CACNG3: variants seen among roughly 807,000 people sequenced by gnomAD.
The protein encoded by CACNG3 is voltage-dependent calcium channel gamma-3 subunit.
CACNG3 carries 3 observed loss-of-function variants against 28.5 expected under a neutral mutation model. The ratio of observed to expected loss-of-function variants is 0.11; its 90% CI spans 0.05 to 0.27. CACNG3 has a LOEUF of 0.27. CACNG3 is among the 10% of genes least tolerant of loss of function. The probability of loss-of-function intolerance (pLI) is 1.00; values close to 1 mark genes in which losing one functional copy is unlikely to be tolerated. For missense variants in CACNG3, 236 were observed against 414.4 expected (o/e 0.57, Z 3.74); for synonymous variants, 174 against 162.2 (o/e 1.07, Z -0.55).
At chr16:24,317,552 GAAAAAGAA>G (rs1899369382) in intron 1 of CACNG3, among the ~76,000 whole-genome samples, 4 of 63,262 alleles carry the variant, frequency 6.3e-5, no homozygotes, top group South Asian at 5.4e-4. Flanking sequence ...AAAAAAAAAA[GAAAAAGAA>G]AGAAAGAAAG....
intron 1 of CACNG3, among the ~76,000 whole-genome samples, chr16:24,267,614 C>A (rs1396942733): frequency 6.6e-6 from 1 of 151,870 alleles, no homozygotes; most frequent in Non-Finnish European, 1.5e-5. Flanking sequence ...ATAGCTAATA[C>A]TTAACAAACA....
At chr16:24,257,085 G>A (rs1898468490) in intron 1 of CACNG3, 120 bp downstream of exon 1, 2 of 688,344 alleles carry the variant, frequency 2.9e-6, no homozygotes, top group Non-Finnish European at 2.5e-6. Context: ...TGCTGAGAAT[G>A]TGCAGGTGCC....
chr16:24,290,162 A>G (rs1294600937), intron 1 of CACNG3, among the ~76,000 whole-genome samples: 1 of 152,252 alleles, frequency 6.6e-6, no homozygotes, highest in African/African-American at 2.4e-5. Context: ...GTGGATTTAT[A>G]CCCATCTTTT....
At chr16:24,279,993 G>A (rs572792493) in intron 1 of CACNG3, among the ~76,000 whole-genome samples, 119 of 152,314 alleles carry the variant, frequency 7.8e-4, no homozygotes, top group African/African-American at 2.6e-3. Context: ...TATATATGGA[G>A]CTATGCTTTT....
At chr16:24,257,406 A>ATT (rs1898478361) in intron 1 of CACNG3, among the ~76,000 whole-genome samples, 1 of 145,318 alleles carries the variant, frequency 6.9e-6, no homozygotes, top group African/African-American at 2.5e-5. Flanking sequence ...AGAGAGAGAG[A>ATT]GAGAGAGAGA....
chr16:24,279,705 G>A (rs1188718758), intron 1 of CACNG3, among the ~76,000 whole-genome samples: 1 of 152,158 alleles, frequency 6.6e-6, no homozygotes, highest in East Asian at 1.9e-4. Context: ...CATCACTTTG[G>A]TAGATGCTTG....
chr16:24,272,939 C>T (rs1898708897), intron 1 of CACNG3, among the ~76,000 whole-genome samples: 1 of 152,118 alleles, frequency 6.6e-6, no homozygotes, highest in Non-Finnish European at 1.5e-5. Flanking sequence ...ATTACTTCAT[C>T]ATCAGGTGTT....
intron 1 of CACNG3, among the ~76,000 whole-genome samples, chr16:24,317,630 G>GA (rs1567217547): frequency 1.4e-3 from 57 of 41,094 alleles, no homozygotes; most frequent in South Asian, 6.0e-3. Flanking sequence ...AAGAAAGACA[G>GA]ACAGAAAGAA....
At position 24,354,986 on chromosome 16, in the gene CACNG3, C is replaced by A; in HGVS notation, c.436+13C>A. On this transcript the variant is annotated intron_variant, in intron 3 of 3. Coordinates refer to ENST00000005284, the MANE Select transcript of CACNG3 (RefSeq NM_006539.4). ...TTTGTCTCTGCAGGTGAGTGTCTGGCCCCAGCCCTGAGATCTTCACAGATA... is the reference window on the plus strand; with the variant it reads ...TTTGTCTCTGCAGGTGAGTGTCTGGACCCAGCCCTGAGATCTTCACAGATA... The A allele has an allele frequency of 2.5e-6, 4 of 1,608,946 alleles. No individual in the cohort carries two copies. Among genetic ancestry groups the A allele is most frequent in the Non-Finnish European group, 3.4e-6 (4 of 1,177,388 alleles).
At chr16:24,270,617 AAGGTCTGGACCAAGGAAATC>A (rs1898674583) in intron 1 of CACNG3, among the ~76,000 whole-genome samples, 1 of 152,206 alleles carries the variant, frequency 6.6e-6, no homozygotes, top group African/African-American at 2.4e-5. Flanking sequence ...AAGAGATAAT[AAGGTCTGGACCAAGGAAATC>A]AGGTCTGGAC....
intron 1 of CACNG3, among the ~76,000 whole-genome samples, chr16:24,268,560 G>C (rs962411780): frequency 3.3e-5 from 5 of 152,218 alleles, no homozygotes; most frequent in African/African-American, 9.6e-5. Flanking sequence ...AATCCAGAAA[G>C]CAAGGTCAAG....
intron 1 of CACNG3, among the ~76,000 whole-genome samples, chr16:24,298,410 C>T (rs895195781): frequency 6.6e-6 from 1 of 152,184 alleles, no homozygotes; most frequent in Non-Finnish European, 1.5e-5. Context: ...CACACACATA[C>T]ATCACTGTAA....
intron 1 of CACNG3, among the ~76,000 whole-genome samples, chr16:24,298,128 T>A (rs1162142650): frequency 2.0e-5 from 3 of 152,228 alleles, no homozygotes; most frequent in African/African-American, 4.8e-5. Flanking sequence ...TATATTCTCT[T>A]ATCCCAAAGA....
chr16:24,331,632 A>T (rs1899632344), intron 1 of CACNG3, among the ~76,000 whole-genome samples: 1 of 152,190 alleles, frequency 6.6e-6, no homozygotes, highest in Non-Finnish European at 1.5e-5. Context: ...AGCCTGGACC[A>T]TACATGCTCC....
intron 1 of CACNG3, among the ~76,000 whole-genome samples, chr16:24,338,111 TC>T: frequency 6.6e-6 from 1 of 152,150 alleles, no homozygotes; most frequent in South Asian, 2.1e-4. Context: ...TCTCTTCTGT[TC>T]CTCAAACTCA....
intron 1 of CACNG3, among the ~76,000 whole-genome samples, chr16:24,313,383 T>C (rs1384125487): frequency 1.3e-5 from 2 of 152,234 alleles, no homozygotes; most frequent in Non-Finnish European, 2.9e-5. Flanking sequence ...GATTTAAACT[T>C]GGACACTCTG....
chr16:24,340,598 C>T (rs1035676262), intron 1 of CACNG3, among the ~76,000 whole-genome samples: 3 of 152,180 alleles, frequency 2.0e-5, no homozygotes. Context: ...AAGGACAGCA[C>T]CCCTCCTCAT....
intron 3 of CACNG3, among the ~76,000 whole-genome samples, chr16:24,359,186 A>C (rs918418298): frequency 6.6e-6 from 1 of 152,098 alleles, no homozygotes; most frequent in African/African-American, 2.4e-5. Flanking sequence ...GGGGGCATCA[A>C]TAGAAGCCAC....
chr16:24,279,594 T>C (rs886506934), intron 1 of CACNG3, among the ~76,000 whole-genome samples: 1 of 152,198 alleles, frequency 6.6e-6, no homozygotes, highest in Non-Finnish European at 1.5e-5. Context: ...GGTGACCCAG[T>C]TCGCCCAACT....
Sources: gnomAD v4.1 joint callset for allele counts (sites outside exome capture counted in the v4.1 genomes callset) on GRCh38, gnomAD v4.1.1 for gene constraint, MANE v1.5 for transcripts, NCBI Gene and HGNC (gene_info 2026-07-23, HGNC 2026-07-21) for gene names.